Variants in PCCA observed in about 807,000 individuals in gnomAD.
PCCA encodes the protein propionyl-CoA carboxylase alpha chain, mitochondrial.
A neutral mutation model predicts 101.3 loss-of-function variants in PCCA; 74 were observed. The ratio of observed to expected loss-of-function variants is 0.73; its 90% CI spans 0.61 to 0.89. The LOEUF (loss-of-function observed/expected upper bound fraction) is 0.89, where lower values mean the gene tolerates loss of function less well. PCCA is among the 40% of genes least tolerant of loss of function. The pLI is 0.00. For missense variants in PCCA, 891 were observed against 907.0 expected (o/e 0.98, Z 0.23); for synonymous variants, 294 against 313.6 (o/e 0.94, Z 0.66).
intron 20 of PCCA, among the ~76,000 whole-genome samples, chr13:100,446,023 G>GT (rs1467720526): frequency 6.6e-6 from 1 of 151,886 alleles, no homozygotes; most frequent in African/African-American, 2.4e-5. Context: ...TCTTGTTCAT[G>GT]TTTTTTTTCT....
intron 19 of PCCA, among the ~76,000 whole-genome samples, chr13:100,387,581 A>G (rs1453409150): frequency 6.6e-6 from 1 of 152,226 alleles, no homozygotes; most frequent in Non-Finnish European, 1.5e-5. Flanking sequence ...ATATCCTTTC[A>G]AGGCAAATTC....
chr13:100,110,277 C>T (rs939887627), intron 2 of PCCA, among the ~76,000 whole-genome samples: 2 of 152,154 alleles, frequency 1.3e-5, no homozygotes, highest in African/African-American at 4.8e-5. Context: ...TTCACAAATA[C>T]AGAAATTACC....
chr13:100,520,832 A>G (rs918707290), intron 22 of PCCA, among the ~76,000 whole-genome samples: 1 of 152,072 alleles, frequency 6.6e-6, no homozygotes, highest in South Asian at 2.1e-4. Flanking sequence ...ATATTATAGG[A>G]GAGTCTTCTC....
At chr13:100,395,229 C>A (rs565920044) in intron 19 of PCCA, among the ~76,000 whole-genome samples, 3 of 152,304 alleles carry the variant, frequency 2.0e-5, no homozygotes, top group East Asian at 1.9e-4. Context: ...ATATAGCCCA[C>A]AAATTATTTT....
chr13:100,285,693 A>G (rs969415556), intron 12 of PCCA, among the ~76,000 whole-genome samples: 2 of 152,064 alleles, frequency 1.3e-5, no homozygotes, highest in East Asian at 1.9e-4. Flanking sequence ...GTGGCCCTCA[A>G]CCCTGCCACT....
At chr13:100,155,870 A>T (rs190602662) in intron 5 of PCCA, among the ~76,000 whole-genome samples, 17 of 152,374 alleles carry the variant, frequency 1.1e-4, no homozygotes, top group African/African-American at 3.8e-4. Context: ...CTAATTCGTG[A>T]ACCCATATTA....
At chr13:100,342,074 G>T (rs1262007555) in intron 18 of PCCA, among the ~76,000 whole-genome samples, 2 of 150,454 alleles carry the variant, frequency 1.3e-5, no homozygotes, top group South Asian at 4.2e-4. Context: ...TGGGAATATG[G>T]TTTGAATTAC....
At chr13:100,443,985 C>G (rs1181993973) in intron 20 of PCCA, among the ~76,000 whole-genome samples, 2 of 152,130 alleles carry the variant, frequency 1.3e-5, no homozygotes, top group African/African-American at 4.8e-5. Context: ...ATGTCACACT[C>G]CAGTTCTTAA....
chr13:100,240,885 T>C (rs1240054541), intron 8 of PCCA, among the ~76,000 whole-genome samples: 1 of 152,150 alleles, frequency 6.6e-6, no homozygotes, highest in East Asian at 1.9e-4. Context: ...TTGCACACAA[T>C]ATAATGTGAA....
chr13:100,181,486 G>C (rs1348465082), intron 6 of PCCA, among the ~76,000 whole-genome samples: 2 of 152,140 alleles, frequency 1.3e-5, no homozygotes, highest in Non-Finnish European at 2.9e-5. Context: ...GTGGTAGGGT[G>C]CTCATGGCTC....
intron 7 of PCCA, among the ~76,000 whole-genome samples, chr13:100,221,550 CATCTT>C (rs2059808409): frequency 6.6e-6 from 1 of 152,140 alleles, no homozygotes; most frequent in Non-Finnish European, 1.5e-5. Flanking sequence ...AAAGAAATCT[CATCTT>C]TTCAGTTTTT....
At chr13:100,486,110 C>T (rs2084356248) in intron 21 of PCCA, among the ~76,000 whole-genome samples, 1 of 152,236 alleles carries the variant, frequency 6.6e-6, no homozygotes, top group Non-Finnish European at 1.5e-5. Flanking sequence ...AAACCACCGT[C>T]TGCCTGAAAA....
chr13:100,097,078 T>C (rs1477621460), intron 1 of PCCA, among the ~76,000 whole-genome samples: 1 of 152,212 alleles, frequency 6.6e-6, no homozygotes, highest in Non-Finnish European at 1.5e-5. Context: ...GACCTGAACC[T>C]ACAGTATCTG....
chr13:100,369,887 T>C (rs2075451768), intron 19 of PCCA, among the ~76,000 whole-genome samples: 1 of 152,062 alleles, frequency 6.6e-6, no homozygotes, highest in African/African-American at 2.4e-5. Context: ...AATATTACAA[T>C]GTAGCATTTT....
At chr13:100,298,348 AAG>A (rs1464390584) in intron 12 of PCCA, among the ~76,000 whole-genome samples, 1 of 152,132 alleles carries the variant, frequency 6.6e-6, no homozygotes, top group Non-Finnish European at 1.5e-5. Flanking sequence ...TCCTAATGAC[AAG>A]AGTCTTTCCT....
intron 7 of PCCA, among the ~76,000 whole-genome samples, chr13:100,210,319 A>C (rs1379079290): frequency 3.3e-5 from 5 of 152,226 alleles, no homozygotes. Context: ...AAAGAGTGAG[A>C]AACTGTTTGA....
In PCCA at chr13:100,482,204, G is replaced by A. The variant is rs75997914; in HGVS notation, c.1899+32899G>A. ...ATAGCCACGTAGGGCTGGTTTGGTC[G>A]TGAGTGCAAGTGTGGTTGCAGCAGC... On this transcript the variant is annotated intron_variant, in intron 21 of 23. Coordinates refer to ENST00000376285, the MANE Select transcript of PCCA (RefSeq NM_000282.4). 9.3e-3 allele frequency among the ~76,000 whole-genome samples: 1,419 copies of A among 152,338 alleles called. 22 individuals are homozygous for A. The highest frequency in any genetic ancestry group is 0.031 in the African/African-American group (1,304 of 41,578).
At chr13:100,317,111 G>A (rs930704241) in intron 16 of PCCA, among the ~76,000 whole-genome samples, 2 of 151,992 alleles carry the variant, frequency 1.3e-5, no homozygotes, top group African/African-American at 4.8e-5. Flanking sequence ...CTTACTTACT[G>A]TTTTGCAAAA....
chr13:100,268,667 T>G (rs761531347), intron 10 of PCCA, 22 bp from the exon 11 acceptor site: 1 of 1,557,610 alleles, frequency 6.4e-7, no homozygotes, highest in East Asian at 2.2e-5. Flanking sequence ...ATATGGTTTT[T>G]CAAATGGTAT....
Sources: allele counts gnomAD v4.1 joint callset (sites outside exome capture counted in the v4.1 genomes callset), GRCh38; gene constraint gnomAD v4.1.1; transcripts MANE v1.5; gene names NCBI Gene and HGNC (gene_info 2026-07-23, HGNC 2026-07-21).